Variants in MANBA observed in about 807,000 individuals in gnomAD.
MANBA encodes beta-mannosidase.
Under a neutral mutation model 111.1 loss-of-function variants are expected in MANBA, and 83 were observed. The observed-to-expected ratio is 0.75, with a 90% CI of 0.63 to 0.90. The LOEUF is 0.90. Ranked by LOEUF, MANBA falls within the 40% of genes least tolerant of loss-of-function variation. The pLI, the probability that MANBA is intolerant of heterozygous loss-of-function variation, is 0.00. For synonymous variants in MANBA, 370 were observed against 378.7 expected (o/e 0.98, Z 0.27); for missense variants, 1,036 against 1,069.0 (o/e 0.97, Z 0.43).
intron 5 of MANBA, among the ~76,000 whole-genome samples, chr4:102,707,254 C>T (rs990407028): frequency 2.0e-5 from 3 of 152,098 alleles, no homozygotes; most frequent in African/African-American, 7.2e-5. Context: ...AAAAACGTCA[C>T]AGGCCAGGAA....
chr4:102,722,665 G>A, intron 4 of MANBA: 1 of 592,824 alleles, frequency 1.7e-6, no homozygotes, highest in Non-Finnish European at 3.0e-6. Context: ...ACACGCTTCA[G>A]GAAGAAAACT....
intron 5 of MANBA, 22 bp downstream of exon 5, chr4:102,714,416 A>T: frequency 2.5e-6 from 4 of 1,596,200 alleles, no homozygotes; most frequent in Non-Finnish European, 3.4e-6. Flanking sequence ...AAAAGAAAAA[A>T]AAATCACATC....
At chr4:102,659,062 G>GAGAGAGAGAA in intron 11 of MANBA, 1 of 152,340 alleles carries the variant, frequency 6.6e-6, no homozygotes, top group Non-Finnish European at 1.5e-5. Flanking sequence ...GAGAAAGAGA[G>GAGAGAGAGAA]AGAGAGAGAA....
At chr4:102,719,813 C>T (rs1722493889) in intron 4 of MANBA, among the ~76,000 whole-genome samples, 1 of 152,220 alleles carries the variant, frequency 6.6e-6, no homozygotes, top group Non-Finnish European at 1.5e-5. Context: ...CACTTGGTCT[C>T]CAACTCAGGT....
intron 1 of MANBA, chr4:102,729,510 G>A (rs1370430881): frequency 1.1e-6 from 1 of 937,150 alleles, no homozygotes; most frequent in South Asian, 1.3e-5. Context: ...TGAGGAAATT[G>A]ATCTCGTCAG....
chr4:102,717,314 AACAT>A (rs1722378153), intron 4 of MANBA, among the ~76,000 whole-genome samples: 1 of 151,974 alleles, frequency 6.6e-6, no homozygotes, highest in Admixed American at 6.6e-5. Flanking sequence ...ATAGGCAGGG[AACAT>A]ACAGTGAGAG....
At chr4:102,701,193 T>G (rs1733021131) in intron 5 of MANBA, among the ~76,000 whole-genome samples, 1 of 151,798 alleles carries the variant, frequency 6.6e-6, no homozygotes, top group Admixed American at 6.6e-5. Context: ...CCTGCCTTTT[T>G]TTGTTTTCCA....
rs1466299182 is a variant in MANBA, at chr4:102,664,754, A to AG, written c.1415dup (p.Asp473Ter). 6.2e-7 allele frequency: 1 copy of AG among 1,612,292 alleles called. No individual in the cohort carries two copies. The highest frequency in any genetic ancestry group is 1.3e-5 in the African/African-American group (1 of 74,922). On this transcript the variant is annotated frameshift_variant, in exon 11 of 17. Coordinates refer to ENST00000647097, the MANE Select transcript of MANBA (RefSeq NM_005908.4). LOFTEE classifies it high-confidence loss of function. ...AGTCCTTGATGTAGATTGGCCGGTCAGTGAAACTGATATGATACCAATTCA... is the reference window on the plus strand; with the variant it reads ...AGTCCTTGATGTAGATTGGCCGGTCAGGTGAAACTGATATGATACCAATTCA...
At chr4:102,668,912 T>C (rs746137500) in intron 10 of MANBA, 51 bp downstream of exon 10, 2 of 1,416,510 alleles carry the variant, frequency 1.4e-6, no homozygotes, top group Non-Finnish European at 2.0e-6. Context: ...CAAAAGGCAA[T>C]ACTAAAACAT....
chr4:102,651,186 A>C (rs1449482120), intron 12 of MANBA, among the ~76,000 whole-genome samples: 1 of 152,106 alleles, frequency 6.6e-6, no homozygotes, highest in Non-Finnish European at 1.5e-5. Flanking sequence ...TAGATGCTTT[A>C]GCACTTACAC....
intron 11 of MANBA, among the ~76,000 whole-genome samples, chr4:102,658,417 G>A (rs1453048513): frequency 6.6e-6 from 1 of 152,148 alleles, no homozygotes; most frequent in Admixed American, 6.5e-5. Context: ...AGAACCACAG[G>A]TCTAACAGGT....
rs575852771 is a variant in MANBA at position 102,720,642 on chromosome 4, C to T, written c.549+2229G>A. Among the ~76,000 whole-genome samples the T allele has an allele frequency of 4.5e-4, 68 of 151,608 alleles. No homozygotes were observed. The South Asian group carries it at 0.013, about 29-fold the overall frequency. ...GGAAGGGGAGAGGGAAAAAGTACAA[C>T]CTCTAGCATTTAAACCACTGTGTCA... On this transcript the variant is annotated intron_variant, in intron 4 of 16. Transcript: ENST00000647097.
rs910349951 is a variant in MANBA, at chr4:102,737,473, G to GT, written c.178-10791dup. ...ATGGAAGATGGGTAAGGCCTGTGGTGTTTTTTTTGTTTGTTTGTTTTTTTT... is the reference window on the plus strand; with the variant it reads ...ATGGAAGATGGGTAAGGCCTGTGGTGTTTTTTTTTGTTTGTTTGTTTTTTTT... On this transcript the variant is annotated intron_variant, in intron 1 of 16. Coordinates refer to ENST00000647097, the MANE Select transcript of MANBA (RefSeq NM_005908.4). Among the ~76,000 whole-genome samples the GT allele has an allele frequency of 4.0e-5, 6 of 151,462 alleles. No homozygotes were observed. In the South Asian group the frequency reaches 6.3e-4, roughly 16 times the overall value.
intron 1 of MANBA, among the ~76,000 whole-genome samples, chr4:102,751,024 T>C (rs900167158): frequency 6.6e-6 from 1 of 152,234 alleles, no homozygotes; most frequent in Non-Finnish European, 1.5e-5. Context: ...GATGGATACA[T>C]GAAATTTCAT....
chr4:102,713,436 C>T (rs1004817436), intron 5 of MANBA, among the ~76,000 whole-genome samples: 3 of 152,092 alleles, frequency 2.0e-5, no homozygotes, highest in African/African-American at 7.2e-5. Flanking sequence ...ATCAGTGTAC[C>T]TACTCTATTT....
chr4:102,686,645 C>G lies in MANBA; in HGVS notation c.960+2929G>C, dbSNP rs550850757. On this transcript the variant is annotated intron_variant, in intron 7 of 16. Coordinates refer to ENST00000647097, the MANE Select transcript of MANBA (RefSeq NM_005908.4). ...TTTTCTAACTTGAACTCCCTTGCAG[C>G]ATTCAACACTCTGAACATTCTTTGC... Among the ~76,000 whole-genome samples the G allele has an allele frequency of 8.5e-5, 13 of 152,070 alleles. No homozygotes were observed. The South Asian group carries it at 2.7e-3, about 32-fold the overall frequency.
At chr4:102,697,978 T>C (rs1732811905) in intron 5 of MANBA, among the ~76,000 whole-genome samples, 2 of 151,712 alleles carry the variant, frequency 1.3e-5, no homozygotes, top group South Asian at 2.1e-4. Flanking sequence ...CCACCAACAG[T>C]GTAAAAGTGT....
intron 11 of MANBA, among the ~76,000 whole-genome samples, chr4:102,661,766 C>A (rs769075601): frequency 2.0e-5 from 3 of 152,220 alleles, no homozygotes; most frequent in African/African-American, 4.8e-5. Context: ...TGTTGCAAAT[C>A]TCACAGATGA....
intron 4 of MANBA, among the ~76,000 whole-genome samples, chr4:102,717,458 T>C (rs1722388090): frequency 6.6e-6 from 1 of 150,712 alleles, no homozygotes; most frequent in Admixed American, 6.6e-5. Flanking sequence ...TCTCACTCTG[T>C]CACCCAGGCT....
Sources: gnomAD v4.1 joint callset for allele counts (sites outside exome capture counted in the v4.1 genomes callset) on GRCh38, gnomAD v4.1.1 for gene constraint, MANE v1.5 for transcripts, NCBI Gene and HGNC (gene_info 2026-07-23, HGNC 2026-07-21) for gene names.